Variants in MAU2 observed in about 807,000 individuals in gnomAD.
MAU2 encodes the protein MAU2 sister chromatid cohesion factor, also known as MAU2 chromatid cohesion factor homolog.
A neutral mutation model predicts 89.1 loss-of-function variants in MAU2; 9 were observed. The observed-to-expected ratio is 0.10, with a 90% CI of 0.06 to 0.18. The LOEUF (loss-of-function observed/expected upper bound fraction) is 0.18, where lower values mean the gene tolerates loss of function less well. Ranked by LOEUF, MAU2 falls within the 10% of genes least tolerant of loss-of-function variation. The pLI is 1.00. For synonymous variants in MAU2, 357 were observed against 343.4 expected, an observed-to-expected ratio of 1.04 and a Z score of -0.44; for missense variants, 425 against 803.5, an observed-to-expected ratio of 0.53 and a Z score of 5.69.
Position 19,354,532 on chromosome 19 carries a change from A to G in MAU2, c.1639+87A>G, listed in dbSNP as rs534448831. ...TGCTGGGCATGTCCTGCTCAGCCTT[A>G]GCTCGGACTAGGCCTCCGTGGGCCG... On this transcript the variant is annotated intron_variant, in intron 17 of 18. Transcript: ENST00000262815. 4.2e-6 allele frequency: 5 copies of G among 1,199,230 alleles called. No homozygotes were observed. In the Admixed American group the frequency reaches 9.1e-5, roughly 22 times the overall value. The allele number at this position is 1,199,230 out of a possible 1,614,324, so 74.3% of individuals were successfully genotyped here. A position where few individuals can be genotyped will look rare whatever the true frequency, so the allele number is the denominator to read the frequency against.
At chr19:19,335,866 T>C in intron 2 of MAU2, 131 bp downstream of exon 2, 1 of 1,077,536 alleles carries the variant, frequency 9.3e-7, no homozygotes, top group Non-Finnish European at 1.4e-6. Flanking sequence ...GCACCTGGAG[T>C]GTCCCCCACC....
intron 5 of MAU2, among the ~76,000 whole-genome samples, chr19:19,339,330 C>G (rs1002686236): frequency 5.9e-5 from 9 of 151,936 alleles, no homozygotes; most frequent in African/African-American, 1.7e-4. Flanking sequence ...ACCTGTAATC[C>G]CAGGTACTCG....
At chr19:19,329,811 G>C (rs1052122248) in intron 1 of MAU2, among the ~76,000 whole-genome samples, 1 of 150,684 alleles carries the variant, frequency 6.6e-6, no homozygotes, top group African/African-American at 2.4e-5. Context: ...AAAAAAAATT[G>C]AAAAATTAGC....
chr19:19,335,534 C>T (rs2061589379), intron 1 of MAU2, among the ~76,000 whole-genome samples, 184 bp from the exon 2 acceptor site: 1 of 152,168 alleles, frequency 6.6e-6, no homozygotes, highest in African/African-American at 2.4e-5. Context: ...CTATAGCTTC[C>T]ATTCCCCTGG....
chr19:19,355,600 G>A (rs1233506131), intron 18 of MAU2, 108 bp from the exon 19 acceptor site: 3 of 1,235,618 alleles, frequency 2.4e-6, no homozygotes, highest in Non-Finnish European at 3.4e-6. Context: ...GGGGCATGGA[G>A]AACAGAGTCC....
chr19:19,345,129 G>A lies in MAU2; in HGVS notation c.1156-175G>A, dbSNP rs1383934350. 3 of 723,366 alleles carry A rather than the reference G, an allele frequency of 4.1e-6. No individual in the cohort carries two copies. The African/African-American group carries it at 5.2e-5, about 13-fold the overall frequency. The allele number at this position is 723,366 out of a possible 1,614,324, so 44.8% of individuals were successfully genotyped here. A position where few individuals can be genotyped will look rare whatever the true frequency, so the allele number is the denominator to read the frequency against. On this transcript the variant is annotated intron_variant, in intron 11 of 18. Coordinates refer to ENST00000262815, the MANE Select transcript of MAU2 (RefSeq NM_015329.4). The surrounding 1 kb of genome is among the most constrained non-coding windows in gnomAD (Gnocchi z 4.9). ...TGAGCATCTTGTCCCACCCCACATTGGCTTGGGTCTGAAAGGTGGGGACAG... is the reference window on the plus strand; with the variant it reads ...TGAGCATCTTGTCCCACCCCACATTAGCTTGGGTCTGAAAGGTGGGGACAG...
In MAU2 at chr19:19,345,049, A is replaced by G. The variant is rs2061682104; in HGVS notation, c.1155+123A>G. ...GACAGCACCCTAATCAGAATCCGGA[A>G]TGTTCCCATAGGTAATCATATAACC... On this transcript the variant is annotated intron_variant, in intron 11 of 18. Transcript: ENST00000262815. This position sits in a 1 kb window ranked among gnomAD's most constrained non-coding sequence, Gnocchi z 4.9. The G allele has an allele frequency of 1.1e-6, 1 of 908,950 alleles. No homozygotes were observed. The highest frequency in any genetic ancestry group is 1.5e-5 in the South Asian group (1 of 68,904). 56.3% of individuals were successfully genotyped at this position (908,950 alleles called of 1,614,324 possible).
chr19:19,351,876 T>G (rs1440803098), intron 16 of MAU2, among the ~76,000 whole-genome samples: 1 of 131,972 alleles, frequency 7.6e-6, no homozygotes. Context: ...TGAGATGAAG[T>G]CTTGCTCTCT....
intron 1 of MAU2, chr19:19,328,942 G>A (rs147243064): frequency 7.9e-5 from 33 of 419,194 alleles, no homozygotes; most frequent in Non-Finnish European, 1.2e-4. Flanking sequence ...AATGCCATGC[G>A]TGCTTTCTCT....
At chr19:19,323,152 G>T (rs1442178540) in intron 1 of MAU2, among the ~76,000 whole-genome samples, 1 of 151,940 alleles carries the variant, frequency 6.6e-6, no homozygotes, top group South Asian at 2.1e-4. Flanking sequence ...CTCCCAAAGT[G>T]CTGAGATTAC....
At position 19,332,720 on chromosome 19, in the gene MAU2, G is replaced by A. The variant is rs867820345; in HGVS notation, c.277-2998G>A. On this transcript the variant is annotated intron_variant, in intron 1 of 18. Transcript: ENST00000262815. Reference sequence around the variant, plus strand: ...GGGATCCTCTCTGTCTAGCCCACCCGTGGACGGACGGAGCTGGCAGAGAGG... The same window carrying A: ...GGGATCCTCTCTGTCTAGCCCACCCATGGACGGACGGAGCTGGCAGAGAGG... Among the ~76,000 whole-genome samples the A allele has an allele frequency of 4.6e-4, 70 of 152,220 alleles. 1 individual carries two copies. Among genetic ancestry groups the A allele is most frequent in the African/African-American group, 1.4e-3 (59 of 41,536 alleles).
intron 1 of MAU2, among the ~76,000 whole-genome samples, chr19:19,331,625 G>A (rs12985655): frequency 0.57 from 87,228 of 151,938 alleles, 26,399 homozygotes; most frequent in East Asian, 0.67. Context: ...CAGAGGGCTG[G>A]GTGAGGTGGC....
At chr19:19,354,113 GGCCATGCCCCTGTGA>G in intron 16 of MAU2, 1 of 555,970 alleles carries the variant, frequency 1.8e-6, no homozygotes, top group Non-Finnish European at 3.3e-6. Context: ...GTTGTCCATT[GGCCATGCCCCTGTGA>G]GGGCATGAGC....
intron 1 of MAU2, among the ~76,000 whole-genome samples, chr19:19,325,582 C>T (rs1351654065): frequency 6.6e-6 from 1 of 152,166 alleles, no homozygotes; most frequent in African/African-American, 2.4e-5. Flanking sequence ...CGGGTTCAAA[C>T]GATTCTCCTA....
At chr19:19,341,025 G>C in intron 6 of MAU2, 152 bp downstream of exon 6, 1 of 1,125,672 alleles carries the variant, frequency 8.9e-7, no homozygotes, top group Non-Finnish European at 1.3e-6. Context: ...GGAATGTGAG[G>C]CCCGGGCCCT....
At position 19,357,225 on chromosome 19, in the gene MAU2, T is replaced by C. The variant is rs2048189786; in HGVS notation, c.*1443T>C. ...CCTGACATCAGCACCAGTGACAGGC[T>C]GGTCAGAGGGCGGGGCTGGTGAGGG... On this transcript the variant is annotated 3_prime_UTR_variant, in exon 19 of 19. Transcript: ENST00000262815. The C allele has an allele frequency of 6.6e-6, 1 of 152,294 alleles. No individual in the cohort carries two copies. Among genetic ancestry groups the C allele is most frequent in the Admixed American group, 6.5e-5 (1 of 15,278 alleles). The allele number at this position is 152,294 out of a possible 1,614,324, so 9.4% of individuals were successfully genotyped here. A position where few individuals can be genotyped will look rare whatever the true frequency, so the allele number is the denominator to read the frequency against.
intron 3 of MAU2, 141 bp downstream of exon 3, chr19:19,336,328 TCTCA>T (rs2061596469): frequency 3.2e-6 from 2 of 623,512 alleles, no homozygotes; most frequent in African/African-American, 1.8e-5. Flanking sequence ...GAGGACAGGG[TCTCA>T]CTCTGTCGCC....
At chr19:19,334,730 C>A in intron 1 of MAU2, 1 of 414,300 alleles carries the variant, frequency 2.4e-6, no homozygotes, top group Non-Finnish European at 3.3e-6. Flanking sequence ...AGCCTCACCT[C>A]CCTGGCCCTC....
intron 1 of MAU2, among the ~76,000 whole-genome samples, chr19:19,330,160 T>A (rs2061544363): frequency 6.6e-6 from 1 of 151,564 alleles, no homozygotes; most frequent in Non-Finnish European, 1.5e-5. Context: ...TTGTATATTT[T>A]GTAGAGATGG....
Sources: gnomAD v4.1 joint callset for allele counts (sites outside exome capture counted in the v4.1 genomes callset) on GRCh38, gnomAD v4.1.1 for gene constraint, Gnocchi (gnomAD v3.1) non-coding constraint, MANE v1.5 for transcripts, NCBI Gene and HGNC (gene_info 2026-07-23, HGNC 2026-07-21) for gene names.